Variants in ERBIN observed in about 807,000 individuals in gnomAD.
ERBIN encodes the protein densin-180-like protein.
A neutral mutation model predicts 158.4 loss-of-function variants in ERBIN; 60 were observed. The ratio of observed to expected loss-of-function variants is 0.38; its 90% CI spans 0.31 to 0.47. The LOEUF is 0.47. ERBIN is among the 20% of genes least tolerant of loss of function. The pLI is 0.99. For missense variants in ERBIN, 1,610 were observed against 1,648.0 expected (o/e 0.98, Z 0.40); for synonymous variants, 594 against 557.2 (o/e 1.07, Z -0.93).
At chr5:65,998,441 A>G (rs1752678726) in intron 4 of ERBIN, among the ~76,000 whole-genome samples, 1 of 151,698 alleles carries the variant, frequency 6.6e-6, no homozygotes. Context: ...GTTCACAATA[A>G]CTAATAAATT....
Position 66,079,849 on chromosome 5 carries a change from AAT to A in ERBIN, c.*1322_*1323del, listed in dbSNP as rs1323571038. ...TTCTTTGTTCCTAGTTACTGTAACAAATATTTGATGATAGAGGTTTATTAATT... is the reference window on the plus strand; with the variant it reads ...TTCTTTGTTCCTAGTTACTGTAACAAATTTGATGATAGAGGTTTATTAATT... On this transcript the variant is annotated 3_prime_UTR_variant, in exon 26 of 26. Coordinates refer to ENST00000284037, the MANE Select transcript of ERBIN (RefSeq NM_001253697.2). 1 of 152,300 alleles carries A rather than the reference AAT, an allele frequency of 6.6e-6. No individual in the cohort carries two copies. The highest frequency in any genetic ancestry group is 2.4e-5 in the African/African-American group (1 of 41,448). 9.4% of individuals were successfully genotyped at this position (152,300 alleles called of 1,614,324 possible).
chr5:66,013,741 CTT>C (rs750470256), intron 6 of ERBIN, 103 bp downstream of exon 6: 13 of 659,728 alleles, frequency 2.0e-5, no homozygotes, highest in Non-Finnish European at 3.4e-5. Flanking sequence ...TTCATAGGCT[CTT>C]TTTAAATTAT....
intron 1 of ERBIN, among the ~76,000 whole-genome samples, chr5:65,944,804 G>A (rs905436968): frequency 1.3e-5 from 2 of 152,096 alleles, no homozygotes; most frequent in Non-Finnish European, 2.9e-5. Flanking sequence ...GACTATTCAA[G>A]TTCTTTGTTT....
chr5:65,952,190 A>G (rs968412120), intron 1 of ERBIN, among the ~76,000 whole-genome samples: 30 of 152,130 alleles, frequency 2.0e-4, no homozygotes, highest in Admixed American at 1.3e-4. Flanking sequence ...AAGAATCATT[A>G]GCTTTTTTTT....
At chr5:65,961,741 C>T (rs1324685295) in intron 1 of ERBIN, among the ~76,000 whole-genome samples, 1 of 152,040 alleles carries the variant, frequency 6.6e-6, no homozygotes, top group East Asian at 1.9e-4. Context: ...ATTCTGTAGT[C>T]TACTTCTTTT....
intron 8 of ERBIN, 95 bp downstream of exon 8, chr5:66,021,480 G>A (rs1755680513): frequency 4.3e-6 from 4 of 937,688 alleles, no homozygotes; most frequent in South Asian, 2.2e-5. Flanking sequence ...ATTGGATAAA[G>A]GTTTACTTTT....
Position 66,049,194 on chromosome 5 carries a change from T to G in ERBIN, c.1903+413T>G, listed in dbSNP as rs141121378. Among the ~76,000 whole-genome samples the G allele has an allele frequency of 3.6e-3, 551 of 152,184 alleles. 1 individual carries two copies. The highest frequency in any genetic ancestry group is 0.017 in the Middle Eastern group (5 of 294). On this transcript the variant is annotated intron_variant, in intron 19 of 25. Coordinates refer to ENST00000284037, the MANE Select transcript of ERBIN (RefSeq NM_001253697.2). ...CTTATGTATAGTAGGTGCTCGTTAT[T>G]TTATTGATTGTATCACAAAACATTT... is the stretch of plus-strand genomic sequence containing the variant.
chr5:66,015,193 A>T (rs908976634), intron 7 of ERBIN, among the ~76,000 whole-genome samples: 2 of 152,160 alleles, frequency 1.3e-5, no homozygotes, highest in African/African-American at 4.8e-5. Context: ...ACAACAAGAG[A>T]TGGCAATCCA....
At chr5:65,950,486 C>T (rs1004642517) in intron 1 of ERBIN, among the ~76,000 whole-genome samples, 1 of 152,056 alleles carries the variant, frequency 6.6e-6, no homozygotes, top group Non-Finnish European at 1.5e-5. Flanking sequence ...CTTTTCTTAC[C>T]ATATCAAGAA....
intron 1 of ERBIN, among the ~76,000 whole-genome samples, chr5:65,954,707 G>C (rs1256274073): frequency 6.6e-6 from 1 of 151,866 alleles, no homozygotes; most frequent in African/African-American, 2.4e-5. Context: ...AAAATTGAGT[G>C]TGAAACAATT....
rs577251742 is a variant in ERBIN, at chr5:66,041,222, C to T, written c.1307-1855C>T. Among the ~76,000 whole-genome samples, 3 of 151,966 alleles carry T rather than the reference C, an allele frequency of 2.0e-5. No homozygotes were observed. In the South Asian group the frequency reaches 6.2e-4, roughly 32 times the overall value. On this transcript the variant is annotated intron_variant, in intron 15 of 25. Transcript: ENST00000284037. ...AGTTAAGGAACCAAAAGTTTACCAGCAATAATAAGGAATTGAGTGATTTGG... is the reference window on the plus strand; with the variant it reads ...AGTTAAGGAACCAAAAGTTTACCAGTAATAATAAGGAATTGAGTGATTTGG...
intron 4 of ERBIN, among the ~76,000 whole-genome samples, chr5:66,010,832 G>C (rs1754122977): frequency 6.6e-6 from 1 of 152,212 alleles, no homozygotes; most frequent in Non-Finnish European, 1.5e-5. Context: ...TTAGAACAGT[G>C]CTTTTTAAAG....
chr5:65,944,327 T>C (rs538242107), intron 1 of ERBIN, among the ~76,000 whole-genome samples: 1 of 152,222 alleles, frequency 6.6e-6, no homozygotes, highest in South Asian at 2.1e-4. Flanking sequence ...CAACACTTGC[T>C]ATTTTGTTTC....
At chr5:65,972,835 C>A (rs1187575430) in intron 1 of ERBIN, among the ~76,000 whole-genome samples, 1 of 151,272 alleles carries the variant, frequency 6.6e-6, no homozygotes, top group Non-Finnish European at 1.5e-5. Context: ...TGAGAGTGAT[C>A]TAGCTTTCTT....
chr5:66,010,203 G>A (rs1055796646), intron 4 of ERBIN, among the ~76,000 whole-genome samples: 6 of 152,082 alleles, frequency 3.9e-5, no homozygotes, highest in Non-Finnish European at 8.8e-5. Flanking sequence ...AGTTTTGAAA[G>A]TTATTGGCCA....
chr5:66,038,312 T>C (rs923042890), intron 14 of ERBIN, 71 bp from the exon 15 acceptor site: 18 of 956,916 alleles, frequency 1.9e-5, no homozygotes, highest in African/African-American at 1.3e-4. Context: ...TGTGTACTTA[T>C]GCAGAGGAAT....
At chr5:66,046,095 A>G (rs532371499) in intron 17 of ERBIN, among the ~76,000 whole-genome samples, 33 of 152,288 alleles carry the variant, frequency 2.2e-4, no homozygotes, top group African/African-American at 7.9e-4. Context: ...CACACTTACA[A>G]GCCTTGGCAG....
At chr5:66,022,845 C>T (rs1755843352) in intron 8 of ERBIN, 2 of 153,380 alleles carry the variant, frequency 1.3e-5, no homozygotes, top group South Asian at 4.1e-4. Flanking sequence ...CTTTTATCTC[C>T]TTCTTAATGA....
At chr5:65,975,980 C>T (rs1749809828) in intron 1 of ERBIN, among the ~76,000 whole-genome samples, 1 of 152,088 alleles carries the variant, frequency 6.6e-6, no homozygotes, top group Non-Finnish European at 1.5e-5. Flanking sequence ...TTTCTGTTTC[C>T]ATTTAGGGCT....
Sources: allele counts gnomAD v4.1 joint callset (sites outside exome capture counted in the v4.1 genomes callset), GRCh38; gene constraint gnomAD v4.1.1; transcripts MANE v1.5; gene names NCBI Gene and HGNC (gene_info 2026-07-23, HGNC 2026-07-21).